Variants in AQP12B observed in about 807,000 individuals in gnomAD.
AQP12B encodes the protein putative aquaporin-12B.
A neutral mutation model predicts 11.5 loss-of-function variants in AQP12B; 8 were observed. The ratio of observed to expected loss-of-function variants is 0.70; its 90% confidence interval spans 0.41 to 1.26. The LOEUF is 1.26. AQP12B is among the 50% of genes most tolerant of loss of function. The probability of loss-of-function intolerance (pLI) is 0.01; values close to 1 mark genes in which losing one functional copy is unlikely to be tolerated. For missense variants in AQP12B, 247 were observed against 322.0 expected, an observed-to-expected ratio of 0.77 and a Z score of 1.78; for synonymous variants, 123 against 158.0, an observed-to-expected ratio of 0.78 and a Z score of 1.66.
rs199595129 is a variant in AQP12B, at chr2:240,682,725, G to A, written c.113C>T (p.Ala38Val). 903 of 1,613,510 alleles carry A rather than the reference G, an allele frequency of 5.6e-4. 4 individuals carry two copies. The Middle Eastern group carries it at 0.012, about 22-fold the overall frequency. The change falls in exon 1 of 3, where the codon GCC becomes GTC. Residue 38 changes from alanine (A) to valine (V), a missense_variant. Coordinates refer to ENST00000407834, the MANE Select transcript of AQP12B (RefSeq NM_001102467.2). ...LLPVGAYEVF[A>V]REAVGAVQLG... The stretch of plus-strand genomic sequence containing the variant: ...CTGCACCGCGCCCACCGCCTCCCGG[G>A]CGAAGACTTCATAGGCGCCCACTGG...
At position 240,682,519 on chromosome 2, in the gene AQP12B, A is replaced by G. The variant is rs1230927468; in HGVS notation, c.319T>C (p.Ser107Pro). 4 of 1,612,376 alleles carry G rather than the reference A, an allele frequency of 2.5e-6. No individual in the cohort carries two copies. The highest frequency in any genetic ancestry group is 1.7e-5 in the Admixed American group (1 of 59,976). The change falls in exon 1 of 3, where the codon TCT (serine) becomes CCT (proline). Residue 107 changes from serine (S) to proline (P), a missense_variant. Physicochemically the swap from Ser to Pro is moderately conservative, Grantham distance 74 (BLOSUM62 -1). Coordinates refer to ENST00000407834, the MANE Select transcript of AQP12B (RefSeq NM_001102467.2). Reference protein sequence around the residue: ...SLQEFLMAEESLPGTLLKLAA... With the variant: ...SLQEFLMAEEPLPGTLLKLAA... ...AGCTTCAGCAGCGTGCCAGGCAGAG[A>G]CTCCTCGGCCATGAGGAACTCCTGC...
In AQP12B at chr2:240,682,496, C is replaced by T; in HGVS notation, c.342G>A (p.Lys114=). The T allele has an allele frequency of 6.2e-7, 1 of 1,612,142 alleles. No homozygotes were observed. Among genetic ancestry groups the T allele is most frequent in the Non-Finnish European group, 8.5e-7 (1 of 1,179,672 alleles). ...AEESLPGTLL[K]LAAQGLGMQA... ...GCATGCCCAGCCCCTGTGCCGCCAG[C>T]TTCAGCAGCGTGCCAGGCAGAGACT... Residue 114 remains lysine (K), a synonymous_variant, in exon 1 of 3, where the codon AAG becomes AAA. Transcript: ENST00000407834.
Position 240,682,273 on chromosome 2 carries a change from C to T in AQP12B, c.565G>A (p.Gly189Arg), listed in dbSNP as rs1378690343. The T allele has an allele frequency of 4.6e-5, 66 of 1,442,426 alleles. No homozygotes were observed. The highest frequency in any genetic ancestry group is 9.3e-5 in the Admixed American group (5 of 54,044). The allele number at this position is 1,442,426 out of a possible 1,614,324, so 89.4% of individuals were successfully genotyped here. ...GTGACCAACAGAGCCACAGCGGGCC[C>T]GCTGTAGGCGGGAGGACTGTGCCGC... ...HLRHSPPAYS[G>R]PAVALLVTVT... Residue 189 changes from glycine (G) to arginine (R), a missense_variant, in exon 1 of 3, where the codon GGG (glycine) becomes AGG (arginine). This residue lies in a region of AQP12B where 15 missense variants were observed against 57.9 expected (regional missense o/e 0.26). Coordinates refer to ENST00000407834, the MANE Select transcript of AQP12B (RefSeq NM_001102467.2).
At chr2:240,682,937 G>C (rs1437525735), upstream of AQP12B, 27 of 1,488,206 alleles carry the variant, frequency 1.8e-5, 1 homozygote, top group Non-Finnish European at 2.5e-5. Flanking sequence ...GCGTGTGGGA[G>C]AGGGCACCTG....
At chr2:240,683,383 T>A (rs1302681426), upstream of AQP12B, among the ~76,000 whole-genome samples, 4 of 142,064 alleles carry the variant, frequency 2.8e-5, no homozygotes, top group African/African-American at 9.9e-5. Context: ...GAACCTGCAC[T>A]GTGTGTCCGC....
At chr2:240,680,953 A>G (rs2043898538) in intron 1 of AQP12B, among the ~76,000 whole-genome samples, 1 of 91,006 alleles carries the variant, frequency 1.1e-5, no homozygotes, top group Non-Finnish European at 2.0e-5. Context: ...GAGAGAGGAG[A>G]GACAGAGAGA....
In AQP12B at chr2:240,682,613, C is replaced by T; in HGVS notation, c.225G>A (p.Leu75=). 1 of 1,613,426 alleles carries T rather than the reference C, an allele frequency of 6.2e-7. No homozygotes were observed. Among genetic ancestry groups the T allele is most frequent in the Non-Finnish European group, 8.5e-7 (1 of 1,179,822 alleles). ...GDFGPDLLLT[L]LFLLFLAHGV... ...CGTGCGCCAGGAAGAGCAGGAAGAG[C>T]AGGGTGAGCAGCAGGTCAGGCCCAA... Residue 75 remains leucine (L), a synonymous_variant, in exon 1 of 3, where the codon CTG becomes CTA. Transcript: ENST00000407834.
At position 240,682,781 on chromosome 2, in the gene AQP12B, C is replaced by A; in HGVS notation, c.57G>T (p.Glu19Asp). ...SFFFATFTLC[E>D]AARRASKALL... is the part of the protein sequence containing the mutation. ...GGGCCTTGGAGGCCCGCCTGGCTGC[C>A]TCACAGAGGGTGAAGGTGGCAAAGA... Residue 19 changes from glutamate to aspartate, a missense_variant, in exon 1 of 3, where the codon GAG (glutamate) becomes GAT (aspartate). Physicochemically the swap from Glu to Asp is conservative, Grantham distance 45 (BLOSUM62 2). Coordinates refer to ENST00000407834, the MANE Select transcript of AQP12B (RefSeq NM_001102467.2). 1 of 1,609,844 alleles carries A rather than the reference C, an allele frequency of 6.2e-7. No homozygotes were observed. The highest frequency in any genetic ancestry group is 1.1e-5 in the South Asian group (1 of 90,358).
upstream of AQP12B, chr2:240,682,893 G>C: frequency 6.4e-7 from 1 of 1,562,864 alleles, no homozygotes. Context: ...GACAGAGCAG[G>C]AGCTGGCCGG....
rs1294161021 is a variant in AQP12B at position 240,682,776 on chromosome 2, G to T, written c.62C>A (p.Ala21Asp). Residue 21 changes from alanine to aspartate, a missense_variant, in exon 1 of 3, where the codon GCC becomes GAC. Ala to Asp is a moderately radical substitution (Grantham distance 126). Around this residue, in one of 4 missense-constraint regions of AQP12B, gnomAD observed 206 missense variants for 173.2 expected, o/e 1.19. Coordinates refer to ENST00000407834, the MANE Select transcript of AQP12B (RefSeq NM_001102467.2). ...FFATFTLCEAARRASKALLPV... is the reference protein window; with the variant it reads ...FFATFTLCEADRRASKALLPV... The stretch of plus-strand genomic sequence containing the variant: ...GAGCAGGGCCTTGGAGGCCCGCCTG[G>T]CTGCCTCACAGAGGGTGAAGGTGGC... 1 of 1,610,372 alleles carries T rather than the reference G, an allele frequency of 6.2e-7. No homozygotes were observed. Among genetic ancestry groups the T allele is most frequent in the African/African-American group, 1.3e-5 (1 of 74,674 alleles).
upstream of AQP12B, among the ~76,000 whole-genome samples, chr2:240,683,420 C>T (rs2043972833): frequency 1.3e-5 from 2 of 151,022 alleles, no homozygotes; most frequent in African/African-American, 4.9e-5. Context: ...GGCCCCTGCA[C>T]CTGTTCTTTG....
Position 240,682,867 on chromosome 2 carries a change from G to A in AQP12B, c.-30C>T, listed in dbSNP as rs1385052340. 1 of 1,565,148 alleles carries A rather than the reference G, an allele frequency of 6.4e-7. No individual in the cohort carries two copies. Among genetic ancestry groups the A allele is most frequent in the East Asian group, 2.5e-5 (1 of 39,762 alleles). ...CTGGGCCCCCCGAGATGCTGTGCCTGCAGGACACCTGAGGGGACAGAGCAG... is the reference window on the plus strand; with the variant it reads ...CTGGGCCCCCCGAGATGCTGTGCCTACAGGACACCTGAGGGGACAGAGCAG... On this transcript the variant is annotated 5_prime_UTR_variant, in exon 1 of 3. Coordinates refer to ENST00000407834, the MANE Select transcript of AQP12B (RefSeq NM_001102467.2).
At position 240,682,410 on chromosome 2, in the gene AQP12B, A is replaced by G. The variant is rs746279183; in HGVS notation, c.428T>C (p.Leu143Pro). Reference protein sequence around the residue: ...WAWELSDLHLLQSLMAQSCSS... With the variant: ...WAWELSDLHLPQSLMAQSCSS... ...GCAGCTCTGGGCCATGAGGCTCTGCAGCAGGTGCAGGTCACTGAGCTCCCA... is the reference window on the plus strand; with the variant it reads ...GCAGCTCTGGGCCATGAGGCTCTGCGGCAGGTGCAGGTCACTGAGCTCCCA... Residue 143 changes from leucine to proline, a missense_variant, in exon 1 of 3, where the codon CTG (leucine) becomes CCG (proline). Physicochemically the swap from Leu to Pro is moderately conservative, Grantham distance 98 (BLOSUM62 -3). Transcript: ENST00000407834. 1.1e-5 allele frequency: 17 copies of G among 1,595,660 alleles called. No individual in the cohort carries two copies. Among genetic ancestry groups the G allele is most frequent in the African/African-American group, 1.3e-5 (1 of 74,512 alleles).
upstream of AQP12B, chr2:240,682,985 G>A (rs2043964674): frequency 2.5e-5 from 26 of 1,035,312 alleles, 1 homozygote; most frequent in Middle Eastern, 3.3e-4. Context: ...CCCAGCTCCC[G>A]CCCCACTGGC....
Position 240,682,885 on chromosome 2 carries a change from C to T in AQP12B, c.-48G>A, listed in dbSNP as rs200147951. On this transcript the variant is annotated 5_prime_UTR_variant, in exon 1 of 3. Coordinates refer to ENST00000407834, the MANE Select transcript of AQP12B (RefSeq NM_001102467.2). Reference sequence around the variant, plus strand: ...TGTGCCTGCAGGACACCTGAGGGGACAGAGCAGGAGCTGGCCGGTTCCCAC... The same window carrying T: ...TGTGCCTGCAGGACACCTGAGGGGATAGAGCAGGAGCTGGCCGGTTCCCAC... 66 of 1,565,072 alleles carry T rather than the reference C, an allele frequency of 4.2e-5. 1 individual carries two copies. The African/African-American group carries it at 8.3e-4, about 20-fold the overall frequency.
chr2:240,682,516 G>T lies in AQP12B; in HGVS notation c.322C>A (p.Leu108Met). Residue 108 changes from leucine to methionine, a missense_variant, in exon 1 of 3, where the codon CTG becomes ATG. Physicochemically the swap from Leu to Met is conservative, Grantham distance 15 (BLOSUM62 2). Coordinates refer to ENST00000407834, the MANE Select transcript of AQP12B (RefSeq NM_001102467.2). ...GCCAGCTTCAGCAGCGTGCCAGGCA[G>T]AGACTCCTCGGCCATGAGGAACTCC... Reference protein sequence around the residue: ...LQEFLMAEESLPGTLLKLAAQ... With the variant: ...LQEFLMAEESMPGTLLKLAAQ... The T allele has an allele frequency of 6.2e-7, 1 of 1,612,682 alleles. No homozygotes were observed. The highest frequency in any genetic ancestry group is 8.5e-7 in the Non-Finnish European group (1 of 1,179,736).
At chr2:240,683,016 A>G, upstream of AQP12B, 1 of 811,040 alleles carries the variant, frequency 1.2e-6, no homozygotes, top group Non-Finnish European at 1.9e-6. Flanking sequence ...GTGCACAGCC[A>G]GGATGGCCAC....
chr2:240,683,080 C>T (rs1426689358), upstream of AQP12B, among the ~76,000 whole-genome samples: 1 of 151,404 alleles, frequency 6.6e-6, no homozygotes, highest in African/African-American at 2.4e-5. Context: ...CACCCGGATC[C>T]ACTGGCCACG....
Position 240,682,503 on chromosome 2 carries a change from A to T in AQP12B, c.335T>A (p.Leu112Gln). 6.2e-7 allele frequency: 1 copy of T among 1,612,306 alleles called. No individual in the cohort carries two copies. Among genetic ancestry groups the T allele is most frequent in the Non-Finnish European group, 8.5e-7 (1 of 1,179,674 alleles). Residue 112 changes from leucine (L) to glutamine (Q), a missense_variant, in exon 1 of 3, where the codon CTG becomes CAG. Transcript: ENST00000407834. Reference protein sequence around the residue: ...LMAEESLPGTLLKLAAQGLGM... With the variant: ...LMAEESLPGTQLKLAAQGLGM... ...CAGCCCCTGTGCCGCCAGCTTCAGCAGCGTGCCAGGCAGAGACTCCTCGGC... is the reference window on the plus strand; with the variant it reads ...CAGCCCCTGTGCCGCCAGCTTCAGCTGCGTGCCAGGCAGAGACTCCTCGGC...
Sources: allele counts gnomAD v4.1 joint callset (sites outside exome capture counted in the v4.1 genomes callset), GRCh38; gene constraint gnomAD v4.1.1; regional missense constraint gnomAD v4.1.1; transcripts MANE v1.5; gene names NCBI Gene and HGNC (gene_info 2026-07-23, HGNC 2026-07-21).